VWA5B2: variants seen among roughly 807,000 people sequenced by gnomAD.
VWA5B2 encodes von Willebrand factor A domain-containing protein 5B2.
VWA5B2 carries 93 observed loss-of-function variants against 118.5 expected under a neutral mutation model. The observed-to-expected ratio is 0.79, with a 90% CI of 0.66 to 0.93. The LOEUF (loss-of-function observed/expected upper bound fraction) is 0.93, where lower values mean the gene tolerates loss of function less well. Ranked by LOEUF, VWA5B2 falls within the 40% of genes least tolerant of loss-of-function variation. VWA5B2 has a pLI of 0.00. For synonymous variants in VWA5B2, 708 were observed against 716.3 expected (o/e 0.99, Z 0.19); for missense variants, 1,546 against 1,672.8 (o/e 0.92, Z 1.32).
chr3:184,234,450 G>A (rs1273472600), intron 6 of VWA5B2, 53 bp downstream of exon 6: 1 of 1,545,196 alleles, frequency 6.5e-7, no homozygotes, highest in Non-Finnish European at 8.8e-7. Flanking sequence ...CTACATGAAT[G>A]GGGGAAGCAT....
chr3:184,238,752 C>A lies in VWA5B2; in HGVS notation c.2081C>A (p.Ser694Tyr). 3 of 1,550,814 alleles carry A rather than the reference C, an allele frequency of 1.9e-6. No homozygotes were observed. The highest frequency in any genetic ancestry group is 2.4e-5 in the South Asian group (2 of 84,052). The change falls in exon 14 of 20, where the codon TCC becomes TAC. Residue 694 changes from serine to tyrosine, a missense_variant. Ser to Tyr is a moderately radical substitution (Grantham distance 144, BLOSUM62 -2). This residue lies in a region of VWA5B2 where 763 missense variants were observed against 766.6 expected (regional missense o/e 1.00). Transcript: ENST00000691901. This position sits in a 1 kb window ranked among gnomAD's most constrained non-coding sequence, Gnocchi z 5.0. Reference protein sequence around the residue: ...SESPGSQGPGSPEGSAPLEPP... With the variant: ...SESPGSQGPGYPEGSAPLEPP... ...TCCCCAGGCTCACAGGGCCCTGGCT[C>A]CCCCGAAGGTAGTGCTCCCTTGGAG...
At position 184,237,939 on chromosome 3, in the gene VWA5B2, T is replaced by G. The variant is rs1025550605; in HGVS notation, c.1720-364T>G. Among the ~76,000 whole-genome samples the G allele has an allele frequency of 2.0e-5, 3 of 152,202 alleles. No homozygotes were observed. The highest frequency in any genetic ancestry group is 7.2e-5 in the African/African-American group (3 of 41,432). ...GTGGTTGTCATCAGGGGTCATAAAG[T>G]GAGTACTCCTGGCAGAACACTTGAC... On this transcript the variant is annotated intron_variant, in intron 12 of 19. Coordinates refer to ENST00000691901, the MANE Select transcript of VWA5B2 (RefSeq NM_001390846.1). The surrounding 1 kb of genome is among the most constrained non-coding windows in gnomAD (Gnocchi z 5.6).
At chr3:184,240,765 CCA>C in intron 16 of VWA5B2, 24 bp from the exon 17 acceptor site, 1 of 1,548,858 alleles carries the variant, frequency 6.5e-7, no homozygotes, top group Non-Finnish European at 8.7e-7. Flanking sequence ...GGTGGGGGCT[CCA>C]CAGACTGCTC....
rs1718168064 is a variant in VWA5B2, at chr3:184,237,884, T to C, written c.1720-419T>C. ...AAGTCACTTCACCTCACTGACCCAT[T>C]TCCTCATATGGAAATGAGGTTTTTC... On this transcript the variant is annotated intron_variant, in intron 12 of 19. Coordinates refer to ENST00000691901, the MANE Select transcript of VWA5B2 (RefSeq NM_001390846.1). This position sits in a 1 kb window ranked among gnomAD's most constrained non-coding sequence, Gnocchi z 5.6. Among the ~76,000 whole-genome samples, 2 of 152,222 alleles carry C rather than the reference T, an allele frequency of 1.3e-5. No homozygotes were observed. The highest frequency in any genetic ancestry group is 1.3e-4 in the Admixed American group (2 of 15,280).
Position 184,239,492 on chromosome 3 carries a change from C to T in VWA5B2, c.2301C>T (p.Pro767=), listed in dbSNP as rs138457926. The T allele has an allele frequency of 1.6e-5, 25 of 1,549,868 alleles. No homozygotes were observed. Among genetic ancestry groups the T allele is most frequent in the South Asian group, 6.0e-5 (5 of 83,864 alleles). ...CTCCAGGCCGGGCAAACCAAGTCCCCGGCCGACCCCGGAAACCCTCTTTGG... is the reference window on the plus strand; with the variant it reads ...CTCCAGGCCGGGCAAACCAAGTCCCTGGCCGACCCCGGAAACCCTCTTTGG... ...SSPPGRANQV[P]GRPRKPSLGA... Residue 767 remains proline (P), a synonymous_variant, in exon 15 of 20, where the codon CCC becomes CCT. Coordinates refer to ENST00000691901, the MANE Select transcript of VWA5B2 (RefSeq NM_001390846.1). This position sits in a 1 kb window ranked among gnomAD's most constrained non-coding sequence, Gnocchi z 5.1.
chr3:184,236,849 T>TG, intron 11 of VWA5B2, 100 bp downstream of exon 11: 1 of 1,053,874 alleles, frequency 9.5e-7, no homozygotes, highest in Non-Finnish European at 1.3e-6. Context: ...TGGGGGCTCC[T>TG]GGCGCCCTCA....
chr3:184,231,151 C>T (rs920236531), intron 3 of VWA5B2, among the ~76,000 whole-genome samples: 4 of 152,238 alleles, frequency 2.6e-5, no homozygotes, highest in African/African-American at 9.6e-5. Flanking sequence ...CAGCACAGGG[C>T]TTGCGGGGGC....
In VWA5B2 at chr3:184,236,397, C is replaced by T; in HGVS notation, c.1267C>T (p.Pro423Ser). The change falls in exon 10 of 20, where the codon CCC becomes TCC. Residue 423 changes from proline to serine, a missense_variant. Pro to Ser is a moderately conservative substitution (Grantham distance 74). Transcript: ENST00000691901. Reference sequence around the variant, plus strand: ...TGAGACCCTGCAGGTTCCGAGTGGGCCCCCAGACGTGCTGGCTGCTCTGGA... The same window carrying T: ...TGAGACCCTGCAGGTTCCGAGTGGGTCCCCAGACGTGCTGGCTGCTCTGGA... ...SIETLQVPSGPPDVLAALDWA... is the reference protein window; with the variant it reads ...SIETLQVPSGSPDVLAALDWA... 6.5e-7 allele frequency: 1 copy of T among 1,545,668 alleles called. No homozygotes were observed.
In VWA5B2 at chr3:184,239,402, CT is replaced by C; in HGVS notation, c.2213del (p.Leu738Ter). ...PTPAPFKVGA[L>X]STEVLGRQHR... Reference sequence around the variant, plus strand: ...CCATATCTCACATGCAGGTGGGGGCCTTGAGTACTGAGGTGCTGGGCCGTCA... The same window carrying C: ...CCATATCTCACATGCAGGTGGGGGCCTGAGTACTGAGGTGCTGGGCCGTCA... On this transcript the variant is annotated frameshift_variant, in exon 15 of 20. Coordinates refer to ENST00000691901, the MANE Select transcript of VWA5B2 (RefSeq NM_001390846.1). LOFTEE classifies it high-confidence loss of function. The surrounding 1 kb of genome is among the most constrained non-coding windows in gnomAD (Gnocchi z 5.1). 6.5e-7 allele frequency: 1 copy of C among 1,541,228 alleles called. No homozygotes were observed. Among genetic ancestry groups the C allele is most frequent in the Non-Finnish European group, 8.8e-7 (1 of 1,140,296 alleles).
At chr3:184,232,777 T>G (rs1717526952) in intron 3 of VWA5B2, 1 of 192,962 alleles carries the variant, frequency 5.2e-6, no homozygotes, top group Non-Finnish European at 1.1e-5. Flanking sequence ...AGCAGGAAAT[T>G]TATGAGCAGA....
In VWA5B2 at chr3:184,236,610, A is replaced by G. The variant is rs779372108; in HGVS notation, c.1422-28A>G. ...GAGCCCCCACAAGGGGCTCCTGAAG[A>G]TCACAGCTGCTTCCTTTCCTTCATC... On this transcript the variant is annotated intron_variant, in intron 10 of 19. Coordinates refer to ENST00000691901, the MANE Select transcript of VWA5B2 (RefSeq NM_001390846.1). 9.0e-6 allele frequency: 14 copies of G among 1,549,002 alleles called. No individual in the cohort carries two copies. In the South Asian group the frequency reaches 1.7e-4, roughly 18 times the overall value.
At chr3:184,236,577 G>A (rs777983602) in intron 10 of VWA5B2, 26 bp downstream of exon 10, 89 of 1,548,882 alleles carry the variant, frequency 5.7e-5, no homozygotes, top group South Asian at 4.0e-4. Flanking sequence ...AACCAGATGC[G>A]TAAGACTGAG....
chr3:184,241,266 C>A lies in VWA5B2; in HGVS notation c.3042C>A (p.Ala1014=), dbSNP rs563323988. 11 of 1,551,372 alleles carry A rather than the reference C, an allele frequency of 7.1e-6. No homozygotes were observed. The African/African-American group carries it at 1.5e-4, about 21-fold the overall frequency. Residue 1014 remains alanine (A), a synonymous_variant, in exon 19 of 20, where the codon GCC becomes GCA. Transcript: ENST00000691901. The surrounding 1 kb of genome is among the most constrained non-coding windows in gnomAD (Gnocchi z 5.1). ...GNSKRALGDP[A]TPTEGPRRPP... is the part of the protein sequence containing the mutation. The stretch of plus-strand genomic sequence containing the variant: ...CCAAGCGTGCTTTGGGGGACCCTGC[C>A]ACTCCCACGGAAGGTCCTCGCCGCC...
Position 184,241,942 on chromosome 3 carries a change from C to A in VWA5B2, c.3633C>A (p.Ala1211=). 2 of 1,549,248 alleles carry A rather than the reference C, an allele frequency of 1.3e-6. No homozygotes were observed. Among genetic ancestry groups the A allele is most frequent in the South Asian group, 1.2e-5 (1 of 84,022 alleles). The change falls in exon 20 of 20, where the codon GCC becomes GCA. Residue 1211 remains alanine (A), a synonymous_variant. Coordinates refer to ENST00000691901, the MANE Select transcript of VWA5B2 (RefSeq NM_001390846.1). This position sits in a 1 kb window ranked among gnomAD's most constrained non-coding sequence, Gnocchi z 5.1. ...QHLPDGLDLA[A]LKAAARGLFL... ...TGCCTGACGGCCTTGACCTGGCCGC[C>A]CTCAAGGCCGCAGCCCGAGGGCTCT...
At position 184,241,466 on chromosome 3, in the gene VWA5B2, TC is replaced by T. The variant is rs753743379; in HGVS notation, c.3181-18del. 4 of 1,550,522 alleles carry T rather than the reference TC, an allele frequency of 2.6e-6. No individual in the cohort carries two copies. The highest frequency in any genetic ancestry group is 1.9e-5 in the Admixed American group (1 of 52,654). On this transcript the variant is annotated intron_variant, in intron 19 of 19. Coordinates refer to ENST00000691901, the MANE Select transcript of VWA5B2 (RefSeq NM_001390846.1). The surrounding 1 kb of genome is among the most constrained non-coding windows in gnomAD (Gnocchi z 5.1). Reference sequence around the variant, plus strand: ...GCCGGGCGCTGTTTCAGCTCGCTTCTCCCCCCACCTCCTCTCTCCTCAGGTG... The same window carrying T: ...GCCGGGCGCTGTTTCAGCTCGCTTCTCCCCCACCTCCTCTCTCCTCAGGTG...
At position 184,237,199 on chromosome 3, in the gene VWA5B2, T is replaced by C. The variant is rs766308241; in HGVS notation, c.1534-27T>C. 31 of 1,546,072 alleles carry C rather than the reference T, an allele frequency of 2.0e-5. No individual in the cohort carries two copies. The East Asian group carries it at 7.1e-4, about 35-fold the overall frequency. ...CCGTATGACACCTCTTTCCTTCCCA[T>C]GTCTTCCCTGTGGCCACTCCCCACA... On this transcript the variant is annotated intron_variant, in intron 11 of 19. Coordinates refer to ENST00000691901, the MANE Select transcript of VWA5B2 (RefSeq NM_001390846.1). The surrounding 1 kb of genome is among the most constrained non-coding windows in gnomAD (Gnocchi z 5.6).
In VWA5B2 at chr3:184,235,137, G is replaced by A. The variant is rs370378701; in HGVS notation, c.946-16G>A. ...ACTAAGCCTTGCCCAGGCTGACTTGGGACTCCCCCGCTCAGGTGTGGTTCC... is the reference window on the plus strand; with the variant it reads ...ACTAAGCCTTGCCCAGGCTGACTTGAGACTCCCCCGCTCAGGTGTGGTTCC... On this transcript the variant is annotated splice_polypyrimidine_tract_variant and intron_variant, in intron 7 of 19. Transcript: ENST00000691901. 2.8e-5 allele frequency: 44 copies of A among 1,549,116 alleles called. No homozygotes were observed. In the Admixed American group the frequency reaches 3.3e-4, roughly 12 times the overall value.
At chr3:184,234,232 C>T (rs1334156434) in intron 5 of VWA5B2, 34 bp from the exon 6 acceptor site, 1 of 1,548,240 alleles carries the variant, frequency 6.5e-7, no homozygotes, top group Admixed American at 2.0e-5. Flanking sequence ...GGTGTTATGG[C>T]TACATCTCCC....
At position 184,230,834 on chromosome 3, in the gene VWA5B2, A is replaced by C. The variant is rs1157681762; in HGVS notation, c.227A>C (p.Gln76Pro). 8.0e-7 allele frequency: 1 copy of C among 1,250,922 alleles called. No individual in the cohort carries two copies. Among genetic ancestry groups the C allele is most frequent in the Non-Finnish European group, 1.0e-6 (1 of 998,076 alleles). 77.5% of individuals were successfully genotyped at this position (1,250,922 alleles called of 1,614,324 possible). Reference sequence around the variant, plus strand: ...GGACGGCGCGTCTCCTTCCAGCTGCAGAGCCGGCGCCGCTCGCAGGCCGCC... The same window carrying C: ...GGACGGCGCGTCTCCTTCCAGCTGCCGAGCCGGCGCCGCTCGCAGGCCGCC... ...AAGRRVSFQL[Q>P]SRRRSQAACC... Residue 76 changes from glutamine (Q) to proline (P), a missense_variant, in exon 3 of 20, where the codon CAG becomes CCG. Physicochemically the swap from Gln to Pro is moderately conservative, Grantham distance 76 (BLOSUM62 -1). This residue lies in a region of VWA5B2 where 775 missense variants were observed against 882.3 expected (regional missense o/e 0.88). Coordinates refer to ENST00000691901, the MANE Select transcript of VWA5B2 (RefSeq NM_001390846.1).
Sources: gnomAD v4.1 joint callset for allele counts (sites outside exome capture counted in the v4.1 genomes callset) on GRCh38, gnomAD v4.1.1 for gene constraint, gnomAD v4.1.1 regional missense constraint, Gnocchi (gnomAD v3.1) non-coding constraint, MANE v1.5 for transcripts, NCBI Gene and HGNC (gene_info 2026-07-23, HGNC 2026-07-21) for gene names.